Variants in BEND7 observed in about 807,000 individuals in gnomAD.
BEND7 encodes the protein BEN domain-containing protein 7.
A neutral mutation model predicts 50.9 loss-of-function variants in BEND7; 28 were observed. That is an observed-to-expected ratio of 0.55 (90% CI 0.41 to 0.75). The LOEUF is 0.75. Among genes scored for constraint, BEND7 ranks in the 30% least tolerant of loss-of-function variants. The probability of loss-of-function intolerance (pLI) is 0.00; values close to 1 mark genes in which losing one functional copy is unlikely to be tolerated. For missense variants in BEND7, 477 were observed against 491.3 expected (o/e 0.97, Z 0.28); for synonymous variants, 170 against 183.9 (o/e 0.92, Z 0.61).
intron 5 of BEND7, among the ~76,000 whole-genome samples, chr10:13,485,159 C>T (rs967435331): frequency 2.0e-5 from 3 of 151,972 alleles, no homozygotes; most frequent in Non-Finnish European, 4.4e-5. Flanking sequence ...CCTGTATAAT[C>T]GAAAGAATAC....
At chr10:13,448,921 C>T (rs368819428) in intron 7 of BEND7, among the ~76,000 whole-genome samples, 6 of 147,156 alleles carry the variant, frequency 4.1e-5, no homozygotes, top group South Asian at 4.3e-4. Flanking sequence ...CTTGGTGAGC[C>T]GAGATCGCGC....
At chr10:13,522,452 C>T (rs1287701744) in intron 2 of BEND7, among the ~76,000 whole-genome samples, 1 of 152,136 alleles carries the variant, frequency 6.6e-6, no homozygotes, top group South Asian at 2.1e-4. Context: ...CGGTTCCCAT[C>T]ATTATAGGAA....
chr10:13,453,910 A>G (rs1838340780), intron 6 of BEND7, among the ~76,000 whole-genome samples: 1 of 152,226 alleles, frequency 6.6e-6, no homozygotes, highest in South Asian at 2.1e-4. Context: ...ACTCCTGGAA[A>G]TTTATCCTAA....
At chr10:13,502,127 T>G (rs1156923524) in intron 2 of BEND7, among the ~76,000 whole-genome samples, 3 of 152,162 alleles carry the variant, frequency 2.0e-5, no homozygotes, top group Non-Finnish European at 4.4e-5. Flanking sequence ...TCTGTAGAAC[T>G]GGTAACTGCA....
intron 7 of BEND7, among the ~76,000 whole-genome samples, chr10:13,448,298 C>T (rs1836878216): frequency 2.6e-5 from 4 of 151,978 alleles, no homozygotes; most frequent in Admixed American, 6.6e-5. Flanking sequence ...GATGGGAAAA[C>T]ATCACATTAT....
intron 4 of BEND7, among the ~76,000 whole-genome samples, chr10:13,495,645 A>G (rs2076973642): frequency 6.6e-6 from 1 of 152,256 alleles, no homozygotes; most frequent in African/African-American, 2.4e-5. Context: ...CTGGGCAACA[A>G]GAGTGAAACT....
intron 2 of BEND7, among the ~76,000 whole-genome samples, chr10:13,524,878 C>T (rs1457714359): frequency 2.0e-5 from 3 of 152,042 alleles, no homozygotes; most frequent in Middle Eastern, 3.2e-3. Context: ...GTAAGAAATG[C>T]TGACATTTCC....
intron 6 of BEND7, chr10:13,460,086 G>A (rs1188282626): frequency 6.6e-6 from 1 of 152,374 alleles, no homozygotes; most frequent in Admixed American, 6.5e-5. Context: ...AGAAACAAGG[G>A]GTTTAGCAAG....
intron 6 of BEND7, among the ~76,000 whole-genome samples, chr10:13,471,823 G>A (rs1410119954): frequency 2.0e-5 from 3 of 152,264 alleles, no homozygotes; most frequent in African/African-American, 4.8e-5. Flanking sequence ...CACAGGGGCT[G>A]TTGTGTGTAC....
chr10:13,476,440 G>A (rs951062220), intron 6 of BEND7, among the ~76,000 whole-genome samples: 5 of 152,198 alleles, frequency 3.3e-5, no homozygotes, highest in African/African-American at 1.2e-4. Context: ...CACTTGACGT[G>A]CCTATGTAAT....
At chr10:13,474,548 C>G (rs921817488) in intron 6 of BEND7, among the ~76,000 whole-genome samples, 1 of 135,238 alleles carries the variant, frequency 7.4e-6, no homozygotes, top group African/African-American at 2.8e-5. Context: ...CTGTTGGACT[C>G]GGGTTGATAC....
At chr10:13,466,624 C>T (rs544509582) in intron 6 of BEND7, among the ~76,000 whole-genome samples, 4 of 151,890 alleles carry the variant, frequency 2.6e-5, no homozygotes, top group Non-Finnish European at 5.9e-5. Context: ...TCGTATAACT[C>T]ATTTATTTAT....
At chr10:13,463,869 G>C (rs1040709493) in intron 6 of BEND7, among the ~76,000 whole-genome samples, 1 of 152,170 alleles carries the variant, frequency 6.6e-6, no homozygotes, top group African/African-American at 2.4e-5. Flanking sequence ...GAACCATCTA[G>C]TGGAAAAACA....
intron 8 of BEND7, chr10:13,446,805 C>T (rs1474754714): frequency 5.4e-6 from 1 of 186,086 alleles, no homozygotes; most frequent in Non-Finnish European, 1.1e-5. Flanking sequence ...TGGCCTTGTT[C>T]AAATCGCTCA....
At chr10:13,526,050 T>A in intron 2 of BEND7, 88 bp downstream of exon 2, 1 of 612,710 alleles carries the variant, frequency 1.6e-6, no homozygotes, top group Non-Finnish European at 2.5e-6. Context: ...TGGCAGACAT[T>A]TCCCGTTCCT....
At chr10:13,455,710 G>A (rs1231604306) in intron 6 of BEND7, among the ~76,000 whole-genome samples, 1 of 152,184 alleles carries the variant, frequency 6.6e-6, no homozygotes, top group East Asian at 1.9e-4. Context: ...CCAACAGAAG[G>A]AGGGAAATGT....
At chr10:13,472,987 T>C (rs780679840) in intron 6 of BEND7, among the ~76,000 whole-genome samples, 4 of 151,790 alleles carry the variant, frequency 2.6e-5, no homozygotes, top group Non-Finnish European at 4.4e-5. Flanking sequence ...AGACTCGGGG[T>C]TGATACTCGT....
chr10:13,447,402 A>C, intron 7 of BEND7, 86 bp from the exon 8 acceptor site: 1 of 1,333,194 alleles, frequency 7.5e-7, no homozygotes, highest in Non-Finnish European at 1.1e-6. Flanking sequence ...AATTTTAAAA[A>C]CTCCAGTATA....
Position 13,441,562 on chromosome 10 carries a change from C to T in BEND7, c.*181G>A, listed in dbSNP as rs2130797777. On this transcript the variant is annotated 3_prime_UTR_variant, in exon 9 of 9. Coordinates refer to ENST00000466271, the MANE Select transcript of BEND7 (RefSeq NM_001369863.1). ...GTTCCCAGCAGATCTCTTAACAGAC[C>T]ACAGTTGGAAGTTAGCGTTTCTGCC... 1 of 1,443,096 alleles carries T rather than the reference C, an allele frequency of 6.9e-7. No homozygotes were observed. Among genetic ancestry groups the T allele is most frequent in the East Asian group, 2.5e-5 (1 of 39,776 alleles). 89.4% of individuals were successfully genotyped at this position (1,443,096 alleles called of 1,614,324 possible).
Sources: allele counts gnomAD v4.1 joint callset (sites outside exome capture counted in the v4.1 genomes callset), GRCh38; gene constraint gnomAD v4.1.1; transcripts MANE v1.5; gene names NCBI Gene and HGNC (gene_info 2026-07-23, HGNC 2026-07-21).